Variants in PKP4 observed in about 807,000 individuals in gnomAD.
The protein encoded by PKP4 is plakophilin 4, also known as plakophilin-4.
Under a neutral mutation model 145.1 loss-of-function variants are expected in PKP4, and 90 were observed. That is an observed-to-expected ratio of 0.62 (90% CI 0.52 to 0.74). The LOEUF (loss-of-function observed/expected upper bound fraction) is 0.74. Ranked by LOEUF, PKP4 falls within the 30% of genes least tolerant of loss-of-function variation. The pLI, the probability that PKP4 is intolerant of heterozygous loss-of-function variation, is 0.00. For synonymous variants in PKP4, 563 were observed against 577.2 expected (o/e 0.98, Z 0.35); for missense variants, 1,340 against 1,482.7 (o/e 0.90, Z 1.58).
At chr2:158,473,050 T>TA (rs1028309955) in intron 1 of PKP4, among the ~76,000 whole-genome samples, 17 of 151,796 alleles carry the variant, frequency 1.1e-4, no homozygotes, top group Non-Finnish European at 1.6e-4. Context: ...AACAAGCACG[T>TA]AAAAAAAAGC....
chr2:158,661,208 T>C, intron 12 of PKP4, 125 bp from the exon 13 acceptor site: 1 of 652,608 alleles, frequency 1.5e-6, no homozygotes, highest in Non-Finnish European at 2.8e-6. Context: ...AAGCCCCCAG[T>C]GCCTCCTCCG....
At chr2:158,468,758 TTTC>T (rs1158162984) in intron 1 of PKP4, among the ~76,000 whole-genome samples, 9 of 126,076 alleles carry the variant, frequency 7.1e-5, no homozygotes, top group Admixed American at 1.9e-4. Context: ...GACATTTTCT[TTTC>T]TTCTTCTTCT....
chr2:158,559,321 G>T (rs1171496470), intron 2 of PKP4, among the ~76,000 whole-genome samples: 1 of 149,688 alleles, frequency 6.7e-6, no homozygotes, highest in South Asian at 2.1e-4. Flanking sequence ...AAGGTTGTGG[G>T]TCTCGGTGGT....
intron 1 of PKP4, among the ~76,000 whole-genome samples, chr2:158,495,585 C>CA (rs1574100421): frequency 2.6e-5 from 4 of 151,836 alleles, no homozygotes; most frequent in African/African-American, 4.8e-5. Flanking sequence ...CCTGTAATCC[C>CA]AGCACTTTGG....
At chr2:158,506,041 A>G (rs1485943644) in intron 1 of PKP4, among the ~76,000 whole-genome samples, 1 of 152,226 alleles carries the variant, frequency 6.6e-6, no homozygotes, top group Non-Finnish European at 1.5e-5. Flanking sequence ...TGAAATGTGA[A>G]TTTTAAAAAG....
At chr2:158,567,884 A>G (rs1197965416) in intron 2 of PKP4, among the ~76,000 whole-genome samples, 1 of 152,238 alleles carries the variant, frequency 6.6e-6, no homozygotes, top group African/African-American at 2.4e-5. Flanking sequence ...TTGGGAAATC[A>G]CTTAATGTGC....
intron 3 of PKP4, among the ~76,000 whole-genome samples, chr2:158,579,268 A>G (rs2048123818): frequency 6.6e-6 from 1 of 152,164 alleles, no homozygotes; most frequent in Admixed American, 6.5e-5. Flanking sequence ...AGAAACTTCA[A>G]TTTGAACAAC....
intron 1 of PKP4, among the ~76,000 whole-genome samples, chr2:158,490,529 G>A (rs1181919478): frequency 6.6e-6 from 1 of 152,188 alleles, no homozygotes; most frequent in Non-Finnish European, 1.5e-5. Context: ...GTTGTAAATG[G>A]TAAGAATAGC....
chr2:158,525,882 A>G (rs1390629647), intron 1 of PKP4, among the ~76,000 whole-genome samples: 1 of 150,650 alleles, frequency 6.6e-6, no homozygotes, highest in Non-Finnish European at 1.5e-5. Context: ...TAGAAAATCT[A>G]GAAGAAATGG....
intron 2 of PKP4, among the ~76,000 whole-genome samples, chr2:158,574,191 C>T (rs1335393416): frequency 6.6e-6 from 1 of 152,214 alleles, no homozygotes; most frequent in African/African-American, 2.4e-5. Flanking sequence ...GTAGCCTTGA[C>T]TTTCTAAAGT....
intron 7 of PKP4, among the ~76,000 whole-genome samples, chr2:158,628,681 C>G (rs1000963853): frequency 2.0e-5 from 3 of 152,172 alleles, no homozygotes; most frequent in African/African-American, 4.8e-5. Flanking sequence ...TGTTACCTTT[C>G]TCATGAAATC....
Position 158,530,895 on chromosome 2 carries a change from A to G in PKP4, c.-5-2285A>G, listed in dbSNP as rs148770415. Reference sequence around the variant, plus strand: ...CTCTCCTGCCAAGCTTCTCAGCATTATATTAGTTTCTTTTACACAGTTATA... The same window carrying G: ...CTCTCCTGCCAAGCTTCTCAGCATTGTATTAGTTTCTTTTACACAGTTATA... On this transcript the variant is annotated intron_variant, in intron 1 of 21. Transcript: ENST00000389759. 3.5e-3 allele frequency among the ~76,000 whole-genome samples: 528 copies of G among 152,194 alleles called. 2 individuals are homozygous for G. The highest frequency in any genetic ancestry group is 0.012 in the African/African-American group (489 of 41,518).
chr2:158,641,137 G>C (rs1340255281), intron 10 of PKP4, among the ~76,000 whole-genome samples: 2 of 152,136 alleles, frequency 1.3e-5, no homozygotes, highest in Non-Finnish European at 2.9e-5. Flanking sequence ...CGGAATTCAA[G>C]ACCAGCCTGG....
At chr2:158,520,773 C>T (rs1466664935) in intron 1 of PKP4, among the ~76,000 whole-genome samples, 1 of 152,228 alleles carries the variant, frequency 6.6e-6, no homozygotes, top group Non-Finnish European at 1.5e-5. Context: ...GCCACCTATG[C>T]ATGCGTTCTT....
chr2:158,669,924 G>A lies in PKP4; in HGVS notation c.2924+9G>A. On this transcript the variant is annotated intron_variant, in intron 17 of 21. Transcript: ENST00000389759. Reference sequence around the variant, plus strand: ...AAAGGCAGGGGCGACAGGCAAGTCTGCGGCAAGGAGGTGCAAGCAGTGCTC... The same window carrying A: ...AAAGGCAGGGGCGACAGGCAAGTCTACGGCAAGGAGGTGCAAGCAGTGCTC... The A allele has an allele frequency of 6.2e-7, 1 of 1,602,896 alleles. No homozygotes were observed. Among genetic ancestry groups the A allele is most frequent in the Non-Finnish European group, 8.5e-7 (1 of 1,172,934 alleles).
At chr2:158,523,670 G>C (rs1396338521) in intron 1 of PKP4, among the ~76,000 whole-genome samples, 1 of 134,560 alleles carries the variant, frequency 7.4e-6, no homozygotes, top group East Asian at 2.1e-4. Context: ...GGTTTCAGAC[G>C]ATCAAATTAC....
intron 4 of PKP4, among the ~76,000 whole-genome samples, chr2:158,613,292 G>A (rs1489451292): frequency 1.3e-5 from 2 of 152,134 alleles, no homozygotes; most frequent in Non-Finnish European, 2.9e-5. Context: ...TGCCTGTCCT[G>A]TTCATATTTC....
At chr2:158,633,928 G>A (rs2053604012) in intron 8 of PKP4, 142 bp from the exon 9 acceptor site, 4 of 575,008 alleles carry the variant, frequency 7.0e-6, no homozygotes, top group Non-Finnish European at 9.3e-6. Flanking sequence ...GCACTAATAA[G>A]GTAGAATTTT....
At chr2:158,609,584 G>A (rs1440344360) in intron 4 of PKP4, among the ~76,000 whole-genome samples, 1 of 152,184 alleles carries the variant, frequency 6.6e-6, no homozygotes, top group East Asian at 1.9e-4. Flanking sequence ...TTCAGCAATA[G>A]GTGGATTGTT....
Sources: gnomAD v4.1 joint callset for allele counts (sites outside exome capture counted in the v4.1 genomes callset) on GRCh38, gnomAD v4.1.1 for gene constraint, MANE v1.5 for transcripts, NCBI Gene and HGNC (gene_info 2026-07-23, HGNC 2026-07-21) for gene names.